Variants in WWP2 observed in about 807,000 individuals in gnomAD.
WWP2 encodes the protein NEDD4-like E3 ubiquitin-protein ligase WWP2.
In WWP2, 57 loss-of-function variants were observed where a neutral mutation model predicts 121.0. That is an observed-to-expected ratio of 0.47 (90% CI 0.38 to 0.59). WWP2 has a LOEUF of 0.59. Ranked by LOEUF, WWP2 falls within the 20% of genes least tolerant of loss-of-function variation. WWP2 has a pLI of 0.00. For synonymous variants in WWP2, 449 were observed against 441.3 expected (o/e 1.02, Z -0.22); for missense variants, 962 against 1,158.9 (o/e 0.83, Z 2.47).
rs949462811 is a variant in WWP2 at position 69,935,208 on chromosome 16, C to T, written c.1843-645C>T. Among the ~76,000 whole-genome samples, 3 of 152,172 alleles carry T rather than the reference C, an allele frequency of 2.0e-5. No homozygotes were observed. Among genetic ancestry groups the T allele is most frequent in the Admixed American group, 1.3e-4 (2 of 15,274 alleles). ...CCCCTGCCTTCCTGAGTGTCCCACC[C>T]GGCTCCCCTCTTAGGAGGACCCAAG... is the stretch of plus-strand genomic sequence containing the variant. On this transcript the variant is annotated intron_variant, in intron 17 of 23. Transcript: ENST00000359154. This position sits in a 1 kb window ranked among gnomAD's most constrained non-coding sequence, Gnocchi z 5.2.
intron 1 of WWP2, 101 bp from the exon 2 acceptor site, chr16:69,786,895 T>G: frequency 9.5e-7 from 1 of 1,054,430 alleles, no homozygotes; most frequent in Non-Finnish European, 1.4e-6. Flanking sequence ...ACGTTTCTAT[T>G]TTCTTGCCTG....
intron 6 of WWP2, among the ~76,000 whole-genome samples, chr16:69,860,924 T>C (rs985610580): frequency 3.3e-5 from 5 of 152,014 alleles, no homozygotes; most frequent in Non-Finnish European, 5.9e-5. Flanking sequence ...CTTTCTGGTC[T>C]GGAGCTATAG....
chr16:69,803,279 T>C (rs2056208695), intron 4 of WWP2, among the ~76,000 whole-genome samples: 1 of 152,148 alleles, frequency 6.6e-6, no homozygotes, highest in African/African-American at 2.4e-5. Context: ...CCTAGATTCT[T>C]CAGCATGCAT....
chr16:69,863,023 G>T (rs963009273), intron 6 of WWP2, among the ~76,000 whole-genome samples: 3 of 151,958 alleles, frequency 2.0e-5, no homozygotes, highest in Admixed American at 6.6e-5. Flanking sequence ...CGCCACCCCC[G>T]GCCTAGCCAT....
chr16:69,816,993 C>T (rs1192121936), intron 4 of WWP2, among the ~76,000 whole-genome samples: 1 of 152,116 alleles, frequency 6.6e-6, no homozygotes, highest in African/African-American at 2.4e-5. Context: ...AGTCTCTGCC[C>T]ATAACCTCTA....
At chr16:69,877,756 G>A (rs2057758471) in intron 7 of WWP2, among the ~76,000 whole-genome samples, 1 of 152,006 alleles carries the variant, frequency 6.6e-6, no homozygotes. Context: ...GAACAGCCAG[G>A]TGGTGGAGCC....
intron 1 of WWP2, among the ~76,000 whole-genome samples, chr16:69,781,397 G>A (rs905116524): frequency 6.6e-6 from 1 of 152,132 alleles, no homozygotes; most frequent in Non-Finnish European, 1.5e-5. Flanking sequence ...CCAGGCTGGA[G>A]TGCGGTGGCA....
intron 6 of WWP2, among the ~76,000 whole-genome samples, chr16:69,867,284 G>C (rs1597080599): frequency 6.6e-6 from 1 of 152,258 alleles, no homozygotes; most frequent in Admixed American, 6.5e-5. Flanking sequence ...CTCACCAGCA[G>C]GTGGCTTCCC....
rs8063219 is a variant in WWP2, at chr16:69,799,009, T to G, written c.219-165T>G. ...TGAGCTCATAGAGCGTTCATTATTA[T>G]CTAGAGGGTTACAGGGTCAGCTTTG... On this transcript the variant is annotated intron_variant, in intron 3 of 23. Coordinates refer to ENST00000359154, the MANE Select transcript of WWP2 (RefSeq NM_001270454.2). The surrounding 1 kb of genome is among the most constrained non-coding windows in gnomAD (Gnocchi z 4.5). 0.4 allele frequency: 531,460 copies of G among 1,324,360 alleles called. 110,780 individuals carry two copies. The highest frequency in any genetic ancestry group is 0.62 in the African/African-American group (41,893 of 67,708). The allele number at this position is 1,324,360 out of a possible 1,614,324, so 82.0% of individuals were successfully genotyped here. A position where few individuals can be genotyped will look rare whatever the true frequency, so the allele number is the denominator to read the frequency against.
chr16:69,923,320 T>TGGG (rs1555504308), intron 10 of WWP2, among the ~76,000 whole-genome samples: 354 of 33,612 alleles, frequency 0.011, 1 homozygote, highest in Non-Finnish European at 0.012. Context: ...GTTGGGGGGG[T>TGGG]GGGGGGGGTG....
At chr16:69,769,719 TATAAA>T (rs1307443635) in intron 1 of WWP2, among the ~76,000 whole-genome samples, 2 of 152,314 alleles carry the variant, frequency 1.3e-5, no homozygotes, top group East Asian at 1.9e-4. Context: ...ACAGTAATCT[TATAAA>T]GTAAGTACTA....
intron 7 of WWP2, among the ~76,000 whole-genome samples, chr16:69,876,183 C>G (rs913384690): frequency 6.6e-6 from 1 of 152,132 alleles, no homozygotes; most frequent in African/African-American, 2.4e-5. Flanking sequence ...GTCTTGAACT[C>G]CTGACCTCAG....
intron 2 of WWP2, 69 bp from the exon 3 acceptor site, chr16:69,798,613 C>T (rs1294203915): frequency 4.3e-5 from 65 of 1,502,296 alleles, no homozygotes; most frequent in Non-Finnish European, 5.5e-5. Flanking sequence ...AGAGCCGGAA[C>T]ATCTGCCACA....
chr16:69,914,466 A>G (rs2058450711), intron 9 of WWP2, among the ~76,000 whole-genome samples: 1 of 152,082 alleles, frequency 6.6e-6, no homozygotes, highest in African/African-American at 2.4e-5. Context: ...TCCGATGGAA[A>G]ATGATTTCCT....
chr16:69,864,767 G>T (rs2057489009), intron 6 of WWP2, among the ~76,000 whole-genome samples: 1 of 151,530 alleles, frequency 6.6e-6, no homozygotes, highest in Non-Finnish European at 1.5e-5. Flanking sequence ...TGTCACCCAG[G>T]CTGGAGTGCA....
chr16:69,803,869 CT>C (rs1346652127), intron 4 of WWP2, among the ~76,000 whole-genome samples: 1 of 152,112 alleles, frequency 6.6e-6, no homozygotes, highest in African/African-American at 2.4e-5. Context: ...GATTGTGCCA[CT>C]GCAGTCCAGC....
chr16:69,915,675 G>GGGGAACAGGAGTCAGCAATT (rs1446967096), intron 9 of WWP2, among the ~76,000 whole-genome samples: 1 of 152,164 alleles, frequency 6.6e-6, no homozygotes, highest in Non-Finnish European at 1.5e-5. Flanking sequence ...AGTCAGCAAT[G>GGGGAACAGGAGTCAGCAATT]GGGCAAGAGA....
At chr16:69,872,204 A>T (rs2057653382) in intron 7 of WWP2, among the ~76,000 whole-genome samples, 1 of 152,088 alleles carries the variant, frequency 6.6e-6, no homozygotes. Flanking sequence ...TTCTATAAAG[A>T]CAATAAAAAG....
chr16:69,765,071 G>A (rs755034377), intron 1 of WWP2, among the ~76,000 whole-genome samples: 1 of 152,030 alleles, frequency 6.6e-6, no homozygotes, highest in Non-Finnish European at 1.5e-5. Context: ...AGGTGCAGTG[G>A]CGCCCGCCTG....
Sources: gnomAD v4.1 joint callset for allele counts (sites outside exome capture counted in the v4.1 genomes callset) on GRCh38, gnomAD v4.1.1 for gene constraint, Gnocchi (gnomAD v3.1) non-coding constraint, MANE v1.5 for transcripts, NCBI Gene and HGNC (gene_info 2026-07-23, HGNC 2026-07-21) for gene names.